The following DHRS2 variants were observed in gnomAD, a reference collection of about 807,000 sequenced individuals.
The protein encoded by DHRS2 is dehydrogenase/reductase SDR family member 2, mitochondrial.
A neutral mutation model predicts 26.3 loss-of-function variants in DHRS2; 29 were observed. That is an observed-to-expected ratio of 1.10 (90% CI 0.82 to 1.50). The LOEUF (loss-of-function observed/expected upper bound fraction) is 1.50, where lower values mean the gene tolerates loss of function less well. DHRS2 is among the 40% of genes most tolerant of loss of function. The probability of loss-of-function intolerance (pLI) is 0.00; values close to 1 mark genes in which losing one functional copy is unlikely to be tolerated. For missense variants in DHRS2, 439 were observed against 367.1 expected, an observed-to-expected ratio of 1.20 and a Z score of -1.60; for synonymous variants, 164 against 151.3, an observed-to-expected ratio of 1.08 and a Z score of -0.62.
At chr14:23,642,787 T>C in intron 4 of DHRS2, 1 of 206,526 alleles carries the variant, frequency 4.8e-6, no homozygotes, top group Non-Finnish European at 9.9e-6. Context: ...AGGCTGGTCT[T>C]GAACTTTTGG....
At chr14:23,633,739 G>A (rs1890184168), upstream of DHRS2, among the ~76,000 whole-genome samples, 1 of 152,136 alleles carries the variant, frequency 6.6e-6, no homozygotes, top group Admixed American at 6.5e-5. Flanking sequence ...TTTAAAATCA[G>A]AAAGTTTTGC....
rs781438734 is a variant in DHRS2 at position 23,644,785 on chromosome 14, GT to G, written c.676-38del. The G allele has an allele frequency of 5.0e-6, 8 of 1,609,134 alleles. No homozygotes were observed. In the Admixed American group the frequency reaches 8.3e-5, roughly 17 times the overall value. Reference sequence around the variant, plus strand: ...GCCTTCCCGGGGCCCTGCCCATCTTGTTTTAGTAGCACTGACTCCTTCATTT... The same window carrying G: ...GCCTTCCCGGGGCCCTGCCCATCTTGTTTAGTAGCACTGACTCCTTCATTT... On this transcript the variant is annotated intron_variant, in intron 7 of 8. Coordinates refer to ENST00000250383, the MANE Select transcript of DHRS2 (RefSeq NM_005794.4).
chr14:23,638,796 A>C lies in DHRS2; in HGVS notation c.-38-31A>C, dbSNP rs1431929945. On this transcript the variant is annotated intron_variant, in intron 1 of 8. Coordinates refer to ENST00000250383, the MANE Select transcript of DHRS2 (RefSeq NM_005794.4). ...TTACCTTCATGCTCACTGAGGCATC[A>C]GTGATAAGTGAAATTGATTCTTTCC... 7.7e-6 allele frequency: 12 copies of C among 1,566,708 alleles called. No homozygotes were observed. The African/African-American group carries it at 1.2e-4, about 16-fold the overall frequency.
At chr14:23,643,465 G>A in intron 5 of DHRS2, 1 of 517,362 alleles carries the variant, frequency 1.9e-6, no homozygotes, top group Non-Finnish European at 3.5e-6. Flanking sequence ...AGCAGGTTTG[G>A]GACAAGGCTA....
Position 23,642,048 on chromosome 14 carries a change from C to G in DHRS2, c.421-1104C>G, listed in dbSNP as rs1053430765. The G allele has an allele frequency of 1.6e-5, 18 of 1,092,424 alleles. No homozygotes were observed. In the African/African-American group the frequency reaches 2.8e-4, roughly 17 times the overall value. 67.7% of individuals were successfully genotyped at this position (1,092,424 alleles called of 1,614,324 possible). On this transcript the variant is annotated intron_variant, in intron 4 of 8. Transcript: ENST00000250383. ...CTCCCCCGTTCCCAGACCCACCAGA[C>G]AGAGCTTCCAGAGTGTCAGGACATG...
At position 23,640,070 on chromosome 14, in the gene DHRS2, T is replaced by G. The variant is rs184630448; in HGVS notation, c.420+175T>G. The G allele has an allele frequency of 8.2e-4, 572 of 697,436 alleles. 1 individual carries two copies. Among genetic ancestry groups the G allele is most frequent in the Non-Finnish European group, 9.8e-4 (485 of 495,092 alleles). The allele number at this position is 697,436 out of a possible 1,614,324, so 43.2% of individuals were successfully genotyped here. Reference sequence around the variant, plus strand: ...TCCCAAAATGTGCCCGGATGCTACTTTCTGGCTTGTTGGTTCTTAAATCTG... The same window carrying G: ...TCCCAAAATGTGCCCGGATGCTACTGTCTGGCTTGTTGGTTCTTAAATCTG... On this transcript the variant is annotated intron_variant, in intron 4 of 8. Coordinates refer to ENST00000250383, the MANE Select transcript of DHRS2 (RefSeq NM_005794.4).
At chr14:23,636,958 T>G (rs574319338) in intron 1 of DHRS2, among the ~76,000 whole-genome samples, 186 bp downstream of exon 1, 3 of 152,194 alleles carry the variant, frequency 2.0e-5, no homozygotes, top group Non-Finnish European at 4.4e-5. Flanking sequence ...GAGTTGGGAA[T>G]GTTGTTTTGC....
chr14:23,634,801 T>C (rs1023898916), upstream of DHRS2, among the ~76,000 whole-genome samples: 8 of 152,142 alleles, frequency 5.3e-5, no homozygotes, highest in African/African-American at 1.2e-4. Flanking sequence ...TGGAAGGTGA[T>C]TGGATCATGG....
chr14:23,633,886 C>T (rs184235090), upstream of DHRS2, among the ~76,000 whole-genome samples: 78 of 152,040 alleles, frequency 5.1e-4, 1 homozygote, highest in Non-Finnish European at 4.6e-4. Context: ...TAAAATTTAC[C>T]ATGAGCAGGT....
Position 23,644,410 on chromosome 14 carries a change from C to A in DHRS2, c.542C>A (p.Ala181Glu), listed in dbSNP as rs143433482. 3.1e-6 allele frequency: 5 copies of A among 1,613,992 alleles called. No homozygotes were observed. The highest frequency in any genetic ancestry group is 4.2e-6 in the Non-Finnish European group (5 of 1,180,028). The change falls in exon 7 of 9, where the codon GCG becomes GAG. Residue 181 changes from alanine to glutamate, a missense_variant and splice_region_variant. Coordinates refer to ENST00000250383, the MANE Select transcript of DHRS2 (RefSeq NM_005794.4). Reference protein sequence around the residue: ...SSIAAYNPVVALGVYNVSKTA... With the variant: ...SSIAAYNPVVELGVYNVSKTA... ...TCACTCTGTCAATTCCCTTCCCAGG[C>A]GCTGGGTGTCTACAATGTCAGCAAG...
chr14:23,630,843 C>G (rs1270904815), intron 1 of DHRS2, among the ~76,000 whole-genome samples: 1 of 152,140 alleles, frequency 6.6e-6, no homozygotes, highest in Non-Finnish European at 1.5e-5. Context: ...TTCTGATTGG[C>G]AAGTGGTTGA....
At chr14:23,638,775 C>G (rs1890473950) in intron 1 of DHRS2, 52 bp from the exon 2 acceptor site, 1 of 1,534,166 alleles carries the variant, frequency 6.5e-7, no homozygotes, top group Non-Finnish European at 8.8e-7. Flanking sequence ...GGTAGATTAC[C>G]TTCATGCTCA....
upstream of DHRS2, among the ~76,000 whole-genome samples, chr14:23,632,666 A>G (rs10136190): frequency 0.095 from 14,474 of 152,194 alleles, 2,395 homozygotes; most frequent in African/African-American, 0.33. Flanking sequence ...GTTATGCAAG[A>G]GTTGCTAAGG....
chr14:23,640,133 C>T (rs1471796347), intron 4 of DHRS2: 1 of 731,684 alleles, frequency 1.4e-6, no homozygotes, highest in Non-Finnish European at 1.8e-6. Context: ...CTTCTCATCA[C>T]TTTTTCATTT....
At chr14:23,636,968 C>T (rs1890334209) in intron 1 of DHRS2, among the ~76,000 whole-genome samples, 196 bp downstream of exon 1, 1 of 152,112 alleles carries the variant, frequency 6.6e-6, no homozygotes, top group African/African-American at 2.4e-5. Context: ...TGTTGTTTTG[C>T]CTGGAACCAG....
rs149643771 is a variant in DHRS2, at chr14:23,644,449, G to A, written c.581G>A (p.Gly194Asp). The A allele has an allele frequency of 6.2e-7, 1 of 1,614,174 alleles. No individual in the cohort carries two copies. The highest frequency in any genetic ancestry group is 1.1e-5 in the South Asian group (1 of 91,082). ...VYNVSKTALL[G>D]LTRTLALELA... ...AATGTCAGCAAGACAGCGCTGCTGG[G>A]TCTCACTAGAACACTGGCATTGGAG... Residue 194 changes from glycine (G) to aspartate (D), a missense_variant, in exon 7 of 9, where the codon GGT becomes GAT. Gly to Asp is a moderately conservative substitution (Grantham distance 94, BLOSUM62 -1). Coordinates refer to ENST00000250383, the MANE Select transcript of DHRS2 (RefSeq NM_005794.4).
chr14:23,642,967 C>T, intron 4 of DHRS2, 185 bp from the exon 5 acceptor site: 2 of 611,206 alleles, frequency 3.3e-6, no homozygotes, highest in East Asian at 5.7e-5. Flanking sequence ...CTTAGCCTGC[C>T]TGCCTATGAA....
chr14:23,644,294 T>C, intron 6 of DHRS2, 115 bp from the exon 7 acceptor site: 1 of 1,561,266 alleles, frequency 6.4e-7, no homozygotes, highest in Non-Finnish European at 8.8e-7. Context: ...GCTGAGCTTG[T>C]CTCCATGTGG....
chr14:23,640,091 A>G, intron 4 of DHRS2, 196 bp downstream of exon 4: 1 of 694,038 alleles, frequency 1.4e-6, no homozygotes, highest in Non-Finnish European at 2.0e-6. Context: ...TGGTTCTTAA[A>G]TCTGGCCCCC....
Sources: allele counts gnomAD v4.1 joint callset (sites outside exome capture counted in the v4.1 genomes callset), GRCh38; gene constraint gnomAD v4.1.1; transcripts MANE v1.5; gene names NCBI Gene and HGNC (gene_info 2026-07-23, HGNC 2026-07-21).